The following SORCS2 variants were observed in gnomAD, a reference collection of about 807,000 sequenced individuals.
The protein encoded by SORCS2 is sortilin related VPS10 domain containing receptor 2.
SORCS2 carries 100 observed loss-of-function variants against 141.6 expected under a neutral mutation model. The observed-to-expected ratio is 0.71, with a 90% CI of 0.60 to 0.83. The LOEUF is 0.83. Ranked by LOEUF, SORCS2 falls within the 40% of genes least tolerant of loss-of-function variation. The probability of loss-of-function intolerance (pLI) is 0.00; values close to 1 mark genes in which losing one functional copy is unlikely to be tolerated. For missense variants in SORCS2, 1,646 were observed against 1,560.2 expected (o/e 1.05, Z -0.93); for synonymous variants, 789 against 676.9 (o/e 1.17, Z -2.57).
chr4:7,502,784 GA>G (rs1392541162), intron 2 of SORCS2, among the ~76,000 whole-genome samples: 1 of 110,994 alleles, frequency 9.0e-6, no homozygotes, highest in African/African-American at 2.5e-5. Flanking sequence ...ACTGTGCGGG[GA>G]GCAGGGAAGC....
chr4:7,550,095 T>TG (rs1553882963), intron 3 of SORCS2, among the ~76,000 whole-genome samples: 2 of 9,622 alleles, frequency 2.1e-4, no homozygotes, highest in Non-Finnish European at 1.0e-3. Context: ...CGGGAGCTGG[T>TG]GTTTTTTTTT....
At chr4:7,469,273 G>GTGA (rs112815163) in intron 2 of SORCS2, among the ~76,000 whole-genome samples, 2,004 of 151,750 alleles carry the variant, frequency 0.013, 45 homozygotes, top group African/African-American at 0.044. Flanking sequence ...GGTGGTGTTG[G>GTGA]TGATGATGAT....
intron 2 of SORCS2, among the ~76,000 whole-genome samples, chr4:7,524,370 G>A (rs1447810802): frequency 2.6e-5 from 4 of 152,074 alleles, no homozygotes; most frequent in Non-Finnish European, 4.4e-5. Context: ...CTAGCACCTT[G>A]ACTTTGGACT....
intron 2 of SORCS2, among the ~76,000 whole-genome samples, chr4:7,453,906 C>T (rs950915839): frequency 8.3e-6 from 1 of 120,922 alleles, no homozygotes; most frequent in Non-Finnish European, 1.7e-5. Flanking sequence ...GTGTTGGGTT[C>T]AGGTGCTGTG....
At chr4:7,655,096 CCT>C (rs752878199) in intron 5 of SORCS2, among the ~76,000 whole-genome samples, 1 of 152,186 alleles carries the variant, frequency 6.6e-6, no homozygotes, top group Non-Finnish European at 1.5e-5. Context: ...CTCAGGCCTG[CCT>C]CTCTCCTGCT....
intron 17 of SORCS2, among the ~76,000 whole-genome samples, chr4:7,716,043 C>G (rs149547246): frequency 6.6e-6 from 1 of 152,314 alleles, no homozygotes; most frequent in Non-Finnish European, 1.5e-5. Context: ...TTTTCCTCCA[C>G]CAGAGGCTGG....
At chr4:7,518,409 G>A (rs1733119075) in intron 2 of SORCS2, among the ~76,000 whole-genome samples, 1 of 152,088 alleles carries the variant, frequency 6.6e-6, no homozygotes, top group African/African-American at 2.4e-5. Flanking sequence ...CTCCTGCTGG[G>A]AATTCCTAGG....
At chr4:7,731,065 G>A (rs1395101353) in intron 23 of SORCS2, among the ~76,000 whole-genome samples, 6 of 152,188 alleles carry the variant, frequency 3.9e-5, no homozygotes, top group Admixed American at 1.3e-4. Flanking sequence ...GAGGGCCACC[G>A]TCAGAAAGGA....
At chr4:7,598,750 T>G (rs2108787591) in intron 3 of SORCS2, among the ~76,000 whole-genome samples, 1 of 152,292 alleles carries the variant, frequency 6.6e-6, no homozygotes, top group Non-Finnish European at 1.5e-5. Flanking sequence ...ATAATATTCT[T>G]CAACCTCCAG....
In SORCS2 at chr4:7,528,401, CGT is replaced by C. The variant is rs1491320910; in HGVS notation, c.549-3128_549-3127del. Reference sequence around the variant, plus strand: ...GCTTCCTAGGCACTGGCAGCTGCTACGTTTTTTTTTTTGTTGTTGTTTTTTGT... The same window carrying C: ...GCTTCCTAGGCACTGGCAGCTGCTACTTTTTTTTTTGTTGTTGTTTTTTGT... On this transcript the variant is annotated intron_variant, in intron 2 of 26. Coordinates refer to ENST00000507866, the MANE Select transcript of SORCS2 (RefSeq NM_020777.3). Among the ~76,000 whole-genome samples the C allele has an allele frequency of 2.8e-4, 28 of 100,910 alleles. No homozygotes were observed. In the Admixed American group the frequency reaches 2.9e-3, roughly 10 times the overall value. 66.2% of individuals were successfully genotyped at this position (100,910 alleles called of 152,430 possible).
At chr4:7,519,145 A>G (rs116450889) in intron 2 of SORCS2, among the ~76,000 whole-genome samples, 2,077 of 152,292 alleles carry the variant, frequency 0.014, 54 homozygotes, top group African/African-American at 0.047. Flanking sequence ...GGAGGTTGAC[A>G]AGGCTCTGCA....
intron 1 of SORCS2, among the ~76,000 whole-genome samples, chr4:7,309,421 C>T (rs897254001): frequency 3.9e-5 from 6 of 152,162 alleles, no homozygotes; most frequent in African/African-American, 7.2e-5. Context: ...AGTGTGAGAA[C>T]GCTGAGGCCT....
intron 9 of SORCS2, among the ~76,000 whole-genome samples, chr4:7,682,313 A>G (rs978075939): frequency 8.5e-5 from 13 of 152,126 alleles, no homozygotes; most frequent in African/African-American, 3.1e-4. Flanking sequence ...GCCCAGAGGC[A>G]ATTCTATTGG....
chr4:7,298,866 G>T (rs1717247378), intron 1 of SORCS2, among the ~76,000 whole-genome samples: 1 of 152,254 alleles, frequency 6.6e-6, no homozygotes, highest in South Asian at 2.1e-4. Flanking sequence ...CCACTGCAGA[G>T]CCTGGCGGAA....
intron 1 of SORCS2, among the ~76,000 whole-genome samples, chr4:7,362,249 G>A (rs1721626975): frequency 6.6e-6 from 1 of 152,124 alleles, no homozygotes; most frequent in Non-Finnish European, 1.5e-5. Context: ...TAAGCCAGGT[G>A]ACATAAGGAT....
intron 3 of SORCS2, among the ~76,000 whole-genome samples, chr4:7,541,947 T>C (rs1273791666): frequency 6.6e-6 from 1 of 152,220 alleles, no homozygotes; most frequent in African/African-American, 2.4e-5. Flanking sequence ...TGAGCATACT[T>C]TGGGTGCTTC....
intron 1 of SORCS2, among the ~76,000 whole-genome samples, chr4:7,309,884 C>T (rs1022225832): frequency 2.6e-5 from 4 of 152,160 alleles, no homozygotes; most frequent in African/African-American, 9.7e-5. Flanking sequence ...GGATGTTCTG[C>T]GAGCTTATGC....
intron 1 of SORCS2, among the ~76,000 whole-genome samples, chr4:7,278,509 C>G (rs769689602): frequency 2.0e-5 from 3 of 152,212 alleles, no homozygotes; most frequent in Non-Finnish European, 2.9e-5. Context: ...CCCTTTCCCA[C>G]AGGTCCAGCT....
intron 2 of SORCS2, among the ~76,000 whole-genome samples, chr4:7,448,252 C>T (rs1039322404): frequency 1.2e-4 from 18 of 152,206 alleles, no homozygotes; most frequent in African/African-American, 3.4e-4. Flanking sequence ...GGTGGAACTG[C>T]GGCGCAGGGC....
Sources: allele counts gnomAD v4.1 joint callset (sites outside exome capture counted in the v4.1 genomes callset), GRCh38; gene constraint gnomAD v4.1.1; transcripts MANE v1.5; gene names NCBI Gene and HGNC (gene_info 2026-07-23, HGNC 2026-07-21).